Variants in ZBTB20 observed in about 807,000 individuals in gnomAD.
ZBTB20 encodes zinc finger and BTB domain containing 20, also known as zinc finger and BTB domain-containing protein 20.
A neutral mutation model predicts 56.9 loss-of-function variants in ZBTB20; 9 were observed. The observed-to-expected ratio is 0.16, with a 90% CI of 0.10 to 0.28. The LOEUF (loss-of-function observed/expected upper bound fraction) is 0.28. Among genes scored for constraint, ZBTB20 ranks in the 10% least tolerant of loss-of-function variants. ZBTB20 has a pLI of 1.00. For synonymous variants in ZBTB20, 417 were observed against 420.7 expected, an observed-to-expected ratio of 0.99 and a Z score of 0.11; for missense variants, 655 against 1,003.0, an observed-to-expected ratio of 0.65 and a Z score of 4.69.
intron 5 of ZBTB20, among the ~76,000 whole-genome samples, chr3:114,709,595 G>A (rs2063927186): frequency 6.6e-6 from 1 of 152,116 alleles, no homozygotes. Context: ...CTTTAGGAGG[G>A]GCAAATGTTC....
At chr3:114,429,681 C>T (rs774166913) in intron 7 of ZBTB20, among the ~76,000 whole-genome samples, 31 of 151,816 alleles carry the variant, frequency 2.0e-4, no homozygotes, top group Middle Eastern at 3.4e-3. Flanking sequence ...GTTCTATATC[C>T]GCAAATGGAA....
At position 114,326,579 on chromosome 3, in the gene ZBTB20, AC is replaced by A. The variant is rs1218986331; in HGVS notation, c.*12425del. On this transcript the variant is annotated 3_prime_UTR_variant, in exon 12 of 12. Transcript: ENST00000675478. Reference sequence around the variant, plus strand: ...GTTATTTGACTGTCCATGGACAGTAACAAATTAAGAAATAAAAATCCTTTAC... The same window carrying A: ...GTTATTTGACTGTCCATGGACAGTAAAAATTAAGAAATAAAAATCCTTTAC... 2.6e-5 allele frequency: 4 copies of A among 152,198 alleles called. No homozygotes were observed. The highest frequency in any genetic ancestry group is 9.6e-5 in the African/African-American group (4 of 41,458). 9.4% of individuals were successfully genotyped at this position (152,198 alleles called of 1,614,324 possible).
At chr3:114,853,581 T>C (rs769643029) in intron 4 of ZBTB20, among the ~76,000 whole-genome samples, 4 of 152,220 alleles carry the variant, frequency 2.6e-5, no homozygotes, top group Non-Finnish European at 5.9e-5. Flanking sequence ...CTTAAACCCC[T>C]GGACTAATCC....
intron 1 of ZBTB20, among the ~76,000 whole-genome samples, chr3:115,111,005 A>AAAAT (rs148918475): frequency 0.19 from 27,767 of 144,612 alleles, 3,155 homozygotes; most frequent in Middle Eastern, 0.37. Flanking sequence ...AATAAAAATA[A>AAAAT]AAATAAATAA....
At chr3:114,620,762 G>C (rs2058269855) in intron 6 of ZBTB20, among the ~76,000 whole-genome samples, 2 of 152,134 alleles carry the variant, frequency 1.3e-5, no homozygotes, top group South Asian at 4.1e-4. Context: ...CTAACCACTT[G>C]CAGTTTCATA....
intron 3 of ZBTB20, among the ~76,000 whole-genome samples, chr3:114,935,775 C>G (rs1377374589): frequency 6.6e-6 from 1 of 152,096 alleles, no homozygotes; most frequent in Non-Finnish European, 1.5e-5. Context: ...GCACCTCTTA[C>G]CCCCAAGGCC....
intron 7 of ZBTB20, chr3:114,419,301 C>T (rs1187132624): frequency 6.6e-6 from 1 of 152,114 alleles, no homozygotes; most frequent in Middle Eastern, 3.2e-3. Flanking sequence ...AAAACCAGGA[C>T]TGCTCCTTAA....
At chr3:114,700,485 C>T (rs1158969411) in intron 5 of ZBTB20, among the ~76,000 whole-genome samples, 1 of 152,116 alleles carries the variant, frequency 6.6e-6, no homozygotes, top group East Asian at 1.9e-4. Context: ...TGGGGGCTAG[C>T]ATTTCAAAGT....
chr3:114,678,370 T>G (rs1019348168), intron 6 of ZBTB20, among the ~76,000 whole-genome samples: 2 of 152,194 alleles, frequency 1.3e-5, no homozygotes, highest in African/African-American at 4.8e-5. Context: ...AAATTGATCC[T>G]ACTGTATTAA....
chr3:115,141,996 T>C (rs1007013501), intron 1 of ZBTB20, among the ~76,000 whole-genome samples: 11 of 152,218 alleles, frequency 7.2e-5, no homozygotes, highest in Non-Finnish European at 1.3e-4. Context: ...TCAGATTTCA[T>C]TCATTTCACA....
chr3:115,082,938 C>T (rs1274676952), intron 1 of ZBTB20, among the ~76,000 whole-genome samples: 1 of 152,012 alleles, frequency 6.6e-6, no homozygotes, highest in African/African-American at 2.4e-5. Context: ...TAATAGCACA[C>T]TACATTTCAA....
intron 2 of ZBTB20, among the ~76,000 whole-genome samples, chr3:115,055,873 T>C (rs2081761085): frequency 6.6e-6 from 1 of 152,094 alleles, no homozygotes; most frequent in Non-Finnish European, 1.5e-5. Context: ...AATAAACGTA[T>C]TATAAGAAAA....
chr3:114,964,410 G>T (rs2077567723), intron 3 of ZBTB20, among the ~76,000 whole-genome samples: 1 of 152,088 alleles, frequency 6.6e-6, no homozygotes, highest in Non-Finnish European at 1.5e-5. Context: ...GTGCGAGTCT[G>T]TCTCAAAAAG....
chr3:114,860,958 T>C (rs886938611), intron 4 of ZBTB20, among the ~76,000 whole-genome samples: 3 of 152,230 alleles, frequency 2.0e-5, no homozygotes, highest in Non-Finnish European at 4.4e-5. Context: ...AAGGCAAGTA[T>C]GTGTAGATTG....
chr3:114,921,826 C>T (rs1424509033), intron 3 of ZBTB20, among the ~76,000 whole-genome samples: 7 of 151,990 alleles, frequency 4.6e-5, no homozygotes. Context: ...AACAAACCTG[C>T]ACGTTGTGCA....
intron 5 of ZBTB20, among the ~76,000 whole-genome samples, chr3:114,705,348 T>C (rs550726737): frequency 2.0e-5 from 3 of 152,310 alleles, no homozygotes; most frequent in Admixed American, 2.0e-4. Flanking sequence ...ACATGCCCTA[T>C]ACTAGAGAAC....
chr3:114,673,102 T>C (rs1320512595), intron 6 of ZBTB20, among the ~76,000 whole-genome samples: 1 of 152,174 alleles, frequency 6.6e-6, no homozygotes, highest in Non-Finnish European at 1.5e-5. Context: ...TATCAAGACA[T>C]GCTTAGCTGC....
intron 6 of ZBTB20, among the ~76,000 whole-genome samples, chr3:114,591,836 C>T (rs541965659): frequency 6.6e-6 from 1 of 152,106 alleles, no homozygotes; most frequent in African/African-American, 2.4e-5. Flanking sequence ...GGACACTGTA[C>T]GTAAAAGCAT....
chr3:115,078,661 G>A (rs2082687209), intron 1 of ZBTB20, among the ~76,000 whole-genome samples: 1 of 147,966 alleles, frequency 6.8e-6, no homozygotes, highest in Non-Finnish European at 1.5e-5. Context: ...AGAGAGAGTG[G>A]GGTAGATGAT....
Sources: allele counts gnomAD v4.1 joint callset (sites outside exome capture counted in the v4.1 genomes callset), GRCh38; gene constraint gnomAD v4.1.1; transcripts MANE v1.5; gene names NCBI Gene and HGNC (gene_info 2026-07-23, HGNC 2026-07-21).